The following CSMD1 variants were observed in gnomAD, a reference collection of about 807,000 sequenced individuals.
CSMD1 encodes the protein CUB and Sushi multiple domains 1.
In CSMD1, 213 loss-of-function variants were observed where a neutral mutation model predicts 417.5. The ratio of observed to expected loss-of-function variants is 0.51; its 90% CI spans 0.46 to 0.57. The LOEUF (loss-of-function observed/expected upper bound fraction) is 0.57. Ranked by LOEUF, CSMD1 falls within the 20% of genes least tolerant of loss-of-function variation. The pLI is 0.00. For synonymous variants in CSMD1, 2,862 were observed against 1,736.8 expected (o/e 1.65, Z -16.11); for missense variants, 6,923 against 4,529.7 (o/e 1.53, Z -15.17).
Position 3,200,562 on chromosome 8 carries a change from A to T in CSMD1, c.5099-753T>A, listed in dbSNP as rs568197088. On this transcript the variant is annotated intron_variant, in intron 32 of 69. Transcript: ENST00000635120. ...AGAGTGAGTGAGACTTTGTCTCAAA[A>T]AAAAATAATAATAATAATAATAAAA... Among the ~76,000 whole-genome samples, 1,143 of 138,604 alleles carry T rather than the reference A, an allele frequency of 8.2e-3. 5 individuals carry two copies. Among genetic ancestry groups the T allele is most frequent in the Middle Eastern group, 0.015 (4 of 264 alleles). 90.9% of individuals were successfully genotyped at this position (138,604 alleles called of 152,430 possible). A position where few individuals can be genotyped will look rare whatever the true frequency, so the allele number is the denominator to read the frequency against.
chr8:4,740,736 G>C (rs1810550160), intron 1 of CSMD1, among the ~76,000 whole-genome samples: 1 of 152,096 alleles, frequency 6.6e-6, no homozygotes, highest in African/African-American at 2.4e-5. Flanking sequence ...ATGGGCAATA[G>C]AGCAAGATCC....
At chr8:3,708,323 G>A (rs146280854) in intron 7 of CSMD1, 91 bp downstream of exon 7, 3 of 965,116 alleles carry the variant, frequency 3.1e-6, no homozygotes, top group Non-Finnish European at 4.9e-6. Context: ...ACGTGGGGAA[G>A]GTGGTGGGTG....
At chr8:3,451,109 T>C (rs1001766829) in intron 12 of CSMD1, among the ~76,000 whole-genome samples, 4 of 152,252 alleles carry the variant, frequency 2.6e-5, no homozygotes, top group African/African-American at 7.2e-5. Context: ...TGCATAAATG[T>C]CTTCTTTTGA....
chr8:4,706,097 TAA>T (rs1439517656), intron 1 of CSMD1, among the ~76,000 whole-genome samples: 1 of 150,484 alleles, frequency 6.6e-6, no homozygotes, highest in Non-Finnish European at 1.5e-5. Flanking sequence ...ATATAATATA[TAA>T]AAACTATATA....
chr8:4,109,321 C>G (rs996518262), intron 3 of CSMD1, among the ~76,000 whole-genome samples: 9 of 152,006 alleles, frequency 5.9e-5, no homozygotes, highest in Non-Finnish European at 1.2e-4. Flanking sequence ...CTATATTCCT[C>G]AAAGCTGAGC....
At chr8:4,657,034 C>T (rs1454081159) in intron 1 of CSMD1, among the ~76,000 whole-genome samples, 1 of 152,120 alleles carries the variant, frequency 6.6e-6, no homozygotes, top group Admixed American at 6.5e-5. Context: ...CCAGGACACG[C>T]AAAAGATCAC....
chr8:3,790,509 A>T (rs1017747691), intron 5 of CSMD1, among the ~76,000 whole-genome samples: 10 of 152,206 alleles, frequency 6.6e-5, no homozygotes, highest in African/African-American at 2.4e-4. Flanking sequence ...GGTAATTATG[A>T]CGGTGATAAC....
chr8:4,087,688 T>A (rs1296680195), intron 3 of CSMD1, among the ~76,000 whole-genome samples: 2 of 152,198 alleles, frequency 1.3e-5, no homozygotes, highest in African/African-American at 4.8e-5. Flanking sequence ...TCCTCTCGTG[T>A]CTCTGCCTGG....
At position 3,214,269 on chromosome 8, in the gene CSMD1, C is replaced by T. The variant is rs77041368; in HGVS notation, c.4867+228G>A. Among the ~76,000 whole-genome samples, 194 of 152,070 alleles carry T rather than the reference C, an allele frequency of 1.3e-3. 2 individuals carry two copies. In the East Asian group the frequency reaches 0.03, roughly 24 times the overall value. On this transcript the variant is annotated intron_variant, in intron 30 of 69. Transcript: ENST00000635120. The stretch of plus-strand genomic sequence containing the variant: ...CAGAAGTGAAAAATGTAAAACTGTA[C>T]GAGCGAAGGAAAAATATTGCTCCTC...
At chr8:3,748,687 C>A (rs190752009) in intron 6 of CSMD1, among the ~76,000 whole-genome samples, 1 of 152,160 alleles carries the variant, frequency 6.6e-6, no homozygotes, top group Non-Finnish European at 1.5e-5. Flanking sequence ...GGAATGCATA[C>A]GTTTTATCCA....
chr8:3,741,478 T>C (rs1341546864), intron 6 of CSMD1, among the ~76,000 whole-genome samples: 1 of 152,190 alleles, frequency 6.6e-6, no homozygotes, highest in Admixed American at 6.5e-5. Context: ...ATTTTACATA[T>C]TTACCAAGTA....
At chr8:3,798,604 A>T (rs573720016) in intron 5 of CSMD1, among the ~76,000 whole-genome samples, 1 of 152,130 alleles carries the variant, frequency 6.6e-6, no homozygotes, top group Non-Finnish European at 1.5e-5. Context: ...TAAAATATTA[A>T]CTTTGCTTCC....
intron 3 of CSMD1, among the ~76,000 whole-genome samples, chr8:4,142,400 T>G (rs971700867): frequency 1.5e-4 from 22 of 150,986 alleles, no homozygotes; most frequent in African/African-American, 5.5e-4. Flanking sequence ...ACAGTTTTCT[T>G]TGGGTCAATA....
intron 10 of CSMD1, among the ~76,000 whole-genome samples, chr8:3,541,778 CTGT>C (rs1321977226): frequency 6.6e-6 from 1 of 150,484 alleles, no homozygotes; most frequent in African/African-American, 2.4e-5. Context: ...TCAACTACAG[CTGT>C]TCTTTTTAAA....
chr8:3,393,859 G>A (rs570046590), intron 17 of CSMD1, among the ~76,000 whole-genome samples: 1 of 151,144 alleles, frequency 6.6e-6, no homozygotes, highest in Non-Finnish European at 1.5e-5. Flanking sequence ...GGAGGGGGCA[G>A]GGATAGCATT....
At chr8:3,998,508 G>A (rs532970831) in intron 4 of CSMD1, among the ~76,000 whole-genome samples, 14 of 152,190 alleles carry the variant, frequency 9.2e-5, no homozygotes, top group Admixed American at 6.5e-4. Flanking sequence ...TGGATACCTG[G>A]CTTTGAGAAT....
At chr8:3,634,321 G>C (rs1039361735) in intron 7 of CSMD1, among the ~76,000 whole-genome samples, 2 of 152,190 alleles carry the variant, frequency 1.3e-5, no homozygotes, top group Non-Finnish European at 2.9e-5. Flanking sequence ...AGCAATGTGG[G>C]TGGACAGCAT....
At chr8:3,764,567 G>A (rs569021284) in intron 5 of CSMD1, among the ~76,000 whole-genome samples, 24 of 152,072 alleles carry the variant, frequency 1.6e-4, no homozygotes, top group African/African-American at 5.5e-4. Flanking sequence ...GTGAGTGTCT[G>A]CAAGAGAGGA....
intron 5 of CSMD1, among the ~76,000 whole-genome samples, chr8:3,910,676 C>A (rs1018345856): frequency 6.6e-6 from 1 of 152,144 alleles, no homozygotes; most frequent in Non-Finnish European, 1.5e-5. Flanking sequence ...AATCTATAAT[C>A]TATTTTCCCC....
Sources: allele counts gnomAD v4.1 joint callset (sites outside exome capture counted in the v4.1 genomes callset), GRCh38; gene constraint gnomAD v4.1.1; transcripts MANE v1.5; gene names NCBI Gene and HGNC (gene_info 2026-07-23, HGNC 2026-07-21).